EPHB1: variants seen among roughly 807,000 people sequenced by gnomAD.
The protein encoded by EPHB1 is EPH receptor B1.
Under a neutral mutation model 94.4 loss-of-function variants are expected in EPHB1, and 30 were observed. The ratio of observed to expected loss-of-function variants is 0.32; its 90% CI spans 0.24 to 0.43. The LOEUF (loss-of-function observed/expected upper bound fraction) is 0.43, where lower values mean the gene tolerates loss of function less well. Ranked by LOEUF, EPHB1 falls within the 20% of genes least tolerant of loss-of-function variation. The pLI is 1.00. For missense variants in EPHB1, 1,055 were observed against 1,308.3 expected, an observed-to-expected ratio of 0.81 and a Z score of 2.99; for synonymous variants, 522 against 489.1, an observed-to-expected ratio of 1.07 and a Z score of -0.89.
At chr3:135,124,948 C>T (rs1189736887) in intron 4 of EPHB1, among the ~76,000 whole-genome samples, 2 of 151,664 alleles carry the variant, frequency 1.3e-5, no homozygotes, top group Admixed American at 6.5e-5. Flanking sequence ...TTTGGACCCT[C>T]AGCACAATTC....
chr3:135,162,214 G>A, intron 7 of EPHB1, 34 bp downstream of exon 7: 2 of 1,536,806 alleles, frequency 1.3e-6, no homozygotes, highest in Admixed American at 1.9e-5. Context: ...CATAATCACA[G>A]GGCAGGCAGT....
intron 1 of EPHB1, among the ~76,000 whole-genome samples, chr3:134,882,491 AAC>A (rs2037753114): frequency 6.6e-6 from 1 of 152,236 alleles, no homozygotes; most frequent in South Asian, 2.1e-4. Context: ...AAGAAAAGAG[AAC>A]AGAGGAAATA....
rs2038037791 is a variant in EPHB1 at position 134,893,957 on chromosome 3, G to GACA, written c.59-31855_59-31853dup. On this transcript the variant is annotated intron_variant, in intron 1 of 15. Transcript: ENST00000398015. The stretch of plus-strand genomic sequence containing the variant: ...AATGAAGGCAGGAATGAATGCCAAA[G>GACA]ACAACAGTATCTTTCTTCCCTAAGG... Among the ~76,000 whole-genome samples, 7 of 152,258 alleles carry GACA rather than the reference G, an allele frequency of 4.6e-5. No individual in the cohort carries two copies. In the South Asian group the frequency reaches 1.4e-3, roughly 32 times the overall value.
chr3:134,951,895 A>G lies in EPHB1; in HGVS notation c.648A>G (p.Thr216=). 1 of 1,614,048 alleles carries G rather than the reference A, an allele frequency of 6.2e-7. No individual in the cohort carries two copies. The highest frequency in any genetic ancestry group is 8.5e-7 in the Non-Finnish European group (1 of 1,179,904). The change falls in exon 3 of 16, where the codon ACA becomes ACG. Residue 216 remains threonine, a synonymous_variant. Transcript: ENST00000398015. This position sits in a 1 kb window ranked among gnomAD's most constrained non-coding sequence, Gnocchi z 4.5. ...AGACTATGACAGGGGCAGAGAGCAC[A>G]TCTCTGGTGATTGCTCGGGGCACAT... The part of the protein sequence containing the change: ...FPETMTGAES[T]SLVIARGTCI...
chr3:134,949,534 A>G (rs1487566079), intron 2 of EPHB1, among the ~76,000 whole-genome samples: 1 of 152,124 alleles, frequency 6.6e-6, no homozygotes, highest in African/African-American at 2.4e-5. Flanking sequence ...ATTGCAGTAT[A>G]TTTTCCATGC....
intron 1 of EPHB1, among the ~76,000 whole-genome samples, chr3:134,919,284 A>T (rs900133141): frequency 6.6e-6 from 1 of 152,190 alleles, no homozygotes; most frequent in Non-Finnish European, 1.5e-5. Context: ...GAGGGAGAAG[A>T]TTTAGATGGG....
chr3:135,026,592 T>C (rs1277401444), intron 3 of EPHB1, among the ~76,000 whole-genome samples: 4 of 142,128 alleles, frequency 2.8e-5, no homozygotes, highest in Non-Finnish European at 6.1e-5. Flanking sequence ...TTGGTACCAG[T>C]ACCATGCTGT....
intron 1 of EPHB1, among the ~76,000 whole-genome samples, chr3:134,909,170 C>G (rs1236445289): frequency 6.0e-5 from 9 of 150,778 alleles, no homozygotes; most frequent in Admixed American, 4.6e-4. Context: ...GGCTAGGAAA[C>G]AGAATGCTCA....
chr3:135,207,462 G>A (rs1324849888), intron 12 of EPHB1, among the ~76,000 whole-genome samples: 1 of 151,874 alleles, frequency 6.6e-6, no homozygotes, highest in Non-Finnish European at 1.5e-5. Context: ...ACATAATCAT[G>A]ATCAAAAGGA....
At chr3:135,167,098 C>T (rs1169605905) in intron 9 of EPHB1, 92 bp downstream of exon 9, 3 of 1,468,852 alleles carry the variant, frequency 2.0e-6, no homozygotes, top group South Asian at 1.2e-5. Flanking sequence ...GCCAGACTGG[C>T]TGGTCCCAGT....
At chr3:135,001,833 C>T (rs1935193931) in intron 3 of EPHB1, among the ~76,000 whole-genome samples, 1 of 152,144 alleles carries the variant, frequency 6.6e-6, no homozygotes. Context: ...GCATAGTATC[C>T]TCATGTATGG....
chr3:134,986,517 C>A (rs1934601404), intron 3 of EPHB1, among the ~76,000 whole-genome samples: 1 of 152,122 alleles, frequency 6.6e-6, no homozygotes, highest in African/African-American at 2.4e-5. Flanking sequence ...TCAGCATCAG[C>A]CAAAGCACTT....
intron 1 of EPHB1, among the ~76,000 whole-genome samples, chr3:134,890,819 T>A (rs1469575905): frequency 6.6e-6 from 1 of 152,354 alleles, no homozygotes; most frequent in East Asian, 1.9e-4. Context: ...GTATTTTGTC[T>A]CTTTTGTTGC....
intron 3 of EPHB1, among the ~76,000 whole-genome samples, chr3:135,020,237 TA>T (rs1935942722): frequency 6.6e-6 from 1 of 152,266 alleles, no homozygotes; most frequent in Non-Finnish European, 1.5e-5. Flanking sequence ...TATTTGCCAT[TA>T]ATTTTTTTAT....
chr3:135,102,795 C>T (rs1371096096), intron 3 of EPHB1, among the ~76,000 whole-genome samples: 1 of 152,104 alleles, frequency 6.6e-6, no homozygotes, highest in African/African-American at 2.4e-5. Flanking sequence ...TACCTTGCAG[C>T]CATAAAAAGA....
chr3:134,900,112 T>C (rs574615086), intron 1 of EPHB1, among the ~76,000 whole-genome samples: 4 of 152,258 alleles, frequency 2.6e-5, no homozygotes, highest in Admixed American at 2.0e-4. Context: ...TGAGCCTTGG[T>C]TTCTCCTTCT....
At chr3:134,921,431 C>T (rs1345818495) in intron 1 of EPHB1, among the ~76,000 whole-genome samples, 1 of 152,128 alleles carries the variant, frequency 6.6e-6, no homozygotes, top group Non-Finnish European at 1.5e-5. Flanking sequence ...AAAATTTTTC[C>T]AGTTCGTTTT....
In EPHB1 at chr3:135,103,149, A is replaced by G. The variant is rs72977546; in HGVS notation, c.806-3299A>G. Among the ~76,000 whole-genome samples, 1,306 of 152,280 alleles carry G rather than the reference A, an allele frequency of 8.6e-3. 18 individuals carry two copies. The highest frequency in any genetic ancestry group is 0.029 in the African/African-American group (1,216 of 41,532). The stretch of plus-strand genomic sequence containing the variant: ...CCACAACTTAAAGTAAAAAAAAGAA[A>G]AAAGAAAAAAAAATCTTTAATAAAT... On this transcript the variant is annotated intron_variant, in intron 3 of 15. Coordinates refer to ENST00000398015, the MANE Select transcript of EPHB1 (RefSeq NM_004441.5).
chr3:134,840,774 A>C (rs939500434), intron 1 of EPHB1, among the ~76,000 whole-genome samples: 3 of 152,200 alleles, frequency 2.0e-5, no homozygotes, highest in Non-Finnish European at 4.4e-5. Context: ...ACACATTGTA[A>C]ATATGAGGTC....
Sources: gnomAD v4.1 joint callset for allele counts (sites outside exome capture counted in the v4.1 genomes callset) on GRCh38, gnomAD v4.1.1 for gene constraint, Gnocchi (gnomAD v3.1) non-coding constraint, MANE v1.5 for transcripts, NCBI Gene and HGNC (gene_info 2026-07-23, HGNC 2026-07-21) for gene names.